NUMBL: variants seen among roughly 807,000 people sequenced by gnomAD.
The protein encoded by NUMBL is NUMB like endocytic adaptor protein.
A neutral mutation model predicts 48.9 loss-of-function variants in NUMBL; 20 were observed. That is an observed-to-expected ratio of 0.41 (90% CI 0.29 to 0.59). NUMBL has a LOEUF of 0.59. Among genes scored for constraint, NUMBL ranks in the 20% least tolerant of loss-of-function variants. The pLI is 0.31. For missense variants in NUMBL, 660 were observed against 846.2 expected (o/e 0.78, Z 2.73); for synonymous variants, 340 against 348.7 (o/e 0.98, Z 0.28).
At chr19:40,684,899 G>A (rs1190601244) in intron 2 of NUMBL, 8 of 275,174 alleles carry the variant, frequency 2.9e-5, no homozygotes, top group African/African-American at 6.8e-5. Flanking sequence ...TCCCAGGGCC[G>A]TGAGGACACA....
rs1285883127 is a variant in NUMBL, at chr19:40,684,154, C to T, written c.249+263G>A. ...CGCTATCTCGGCTCACTGCAATCTC[C>T]GCCTCCCGGGTTCAAGCGATTCTCC... On this transcript the variant is annotated intron_variant, in intron 3 of 9. Coordinates refer to ENST00000252891, the MANE Select transcript of NUMBL (RefSeq NM_004756.5). 4.5e-5 allele frequency: 18 copies of T among 396,248 alleles called. No individual in the cohort carries two copies. The East Asian group carries it at 9.6e-4, about 21-fold the overall frequency. 24.5% of individuals were successfully genotyped at this position (396,248 alleles called of 1,614,324 possible). A position where few individuals can be genotyped will look rare whatever the true frequency, so the allele number is the denominator to read the frequency against.
At chr19:40,681,898 C>T (rs568992229) in intron 5 of NUMBL, among the ~76,000 whole-genome samples, 30 of 152,142 alleles carry the variant, frequency 2.0e-4, no homozygotes, top group Admixed American at 1.7e-3. Flanking sequence ...GTCTCGAACT[C>T]GTGACCTCAG....
At chr19:40,684,270 G>A (rs912896539) in intron 3 of NUMBL, 147 bp downstream of exon 3, 2 of 823,418 alleles carry the variant, frequency 2.4e-6, no homozygotes, top group Non-Finnish European at 3.6e-6. Context: ...GGGTTTCACC[G>A]TGATAGCCAG....
chr19:40,667,333 G>C lies in NUMBL; in HGVS notation c.*135C>G, dbSNP rs576014989. On this transcript the variant is annotated 3_prime_UTR_variant, in exon 10 of 10. Coordinates refer to ENST00000252891, the MANE Select transcript of NUMBL (RefSeq NM_004756.5). This position sits in a 1 kb window ranked among gnomAD's most constrained non-coding sequence, Gnocchi z 6.1. ...AATGTTGGTTCTGTAGTGGTTGTCG[G>C]GGTGGTTGAGGGAGGGGGGTGTTGA... 7 of 1,260,150 alleles carry C rather than the reference G, an allele frequency of 5.6e-6. No homozygotes were observed. The Admixed American group carries it at 1.8e-4, about 33-fold the overall frequency. The allele number at this position is 1,260,150 out of a possible 1,614,324, so 78.1% of individuals were successfully genotyped here. A position where few individuals can be genotyped will look rare whatever the true frequency, so the allele number is the denominator to read the frequency against.
At chr19:40,678,872 C>G (rs950209694) in intron 6 of NUMBL, among the ~76,000 whole-genome samples, 6 of 152,200 alleles carry the variant, frequency 3.9e-5, no homozygotes, top group African/African-American at 1.2e-4. Context: ...AGGCAAATCA[C>G]TTGAGGCCAG....
chr19:40,688,184 G>A lies in NUMBL; in HGVS notation c.25-1189C>T, dbSNP rs747270012. ...AGCCACCTATCATGGTCATAATCCCGTCACCCAGTGTCCATACACAGCTGT... is the reference window on the plus strand; with the variant it reads ...AGCCACCTATCATGGTCATAATCCCATCACCCAGTGTCCATACACAGCTGT... On this transcript the variant is annotated intron_variant, in intron 1 of 9. Coordinates refer to ENST00000252891, the MANE Select transcript of NUMBL (RefSeq NM_004756.5). The surrounding 1 kb of genome is among the most constrained non-coding windows in gnomAD (Gnocchi z 4.6). 4.6e-5 allele frequency among the ~76,000 whole-genome samples: 7 copies of A among 152,120 alleles called. No homozygotes were observed. Among genetic ancestry groups the A allele is most frequent in the African/African-American group, 7.2e-5 (3 of 41,412 alleles).
intron 7 of NUMBL, among the ~76,000 whole-genome samples, 169 bp downstream of exon 7, chr19:40,677,063 C>T (rs1280262247): frequency 2.0e-5 from 3 of 152,216 alleles, no homozygotes; most frequent in Non-Finnish European, 4.4e-5. Flanking sequence ...ATCCGCCCAT[C>T]TCGGCCTCTC....
At position 40,669,954 on chromosome 19, in the gene NUMBL, C is replaced by A. The variant is rs1450681781; in HGVS notation, c.1103G>T (p.Ser368Ile). ...CGCTCCAGCACTGGCAAAAGATGAACTGATCTGTGTGCACAGAGCGTTGAT... is the reference window on the plus strand; with the variant it reads ...CGCTCCAGCACTGGCAAAAGATGAAATGATCTGTGTGCACAGAGCGTTGAT... Reference protein sequence around the residue: ...DSINALCTQISSSFASAGAPA... With the variant: ...DSINALCTQIISSFASAGAPA... The change falls in exon 9 of 10, where the codon AGT becomes ATT. Residue 368 changes from serine to isoleucine, a missense_variant. Transcript: ENST00000252891. 6.2e-7 allele frequency: 1 copy of A among 1,614,002 alleles called. No individual in the cohort carries two copies. Among genetic ancestry groups the A allele is most frequent in the Non-Finnish European group, 8.5e-7 (1 of 1,179,996 alleles).
chr19:40,668,899 G>A (rs531079539), intron 9 of NUMBL, among the ~76,000 whole-genome samples: 1 of 152,258 alleles, frequency 6.6e-6, no homozygotes, highest in South Asian at 2.1e-4. Context: ...TGACAGTTTA[G>A]GGTTGGGCTT....
rs768355400 is a variant in NUMBL at position 40,673,323 on chromosome 19, C to A, written c.1036+21G>T. 1.3e-6 allele frequency: 2 copies of A among 1,585,112 alleles called. No homozygotes were observed. Among genetic ancestry groups the A allele is most frequent in the South Asian group, 2.3e-5 (2 of 88,850 alleles). On this transcript the variant is annotated intron_variant, in intron 8 of 9. Coordinates refer to ENST00000252891, the MANE Select transcript of NUMBL (RefSeq NM_004756.5). The surrounding 1 kb of genome is among the most constrained non-coding windows in gnomAD (Gnocchi z 5.9). ...GTGCCAATTGATTCCAACGCCGTTT[C>A]CCACTGGGCCCAGGGCTCACCTGTG...
rs1358767235 is a variant in NUMBL at position 40,687,623 on chromosome 19, C to T, written c.25-628G>A. On this transcript the variant is annotated intron_variant, in intron 1 of 9. Coordinates refer to ENST00000252891, the MANE Select transcript of NUMBL (RefSeq NM_004756.5). The surrounding 1 kb of genome is among the most constrained non-coding windows in gnomAD (Gnocchi z 4.6). ...CAAAGAACGGGGCCCAGACAACCCA[C>T]TAGAGCCGCACATGCGTGGCCACAC... is the stretch of plus-strand genomic sequence containing the variant. Among the ~76,000 whole-genome samples the T allele has an allele frequency of 1.3e-5, 2 of 152,200 alleles. No homozygotes were observed. Among genetic ancestry groups the T allele is most frequent in the Admixed American group, 6.5e-5 (1 of 15,284 alleles).
chr19:40,683,660 T>C (rs1171645803), intron 3 of NUMBL, among the ~76,000 whole-genome samples: 2 of 152,176 alleles, frequency 1.3e-5, no homozygotes, highest in African/African-American at 4.8e-5. Context: ...CTCACAGGAA[T>C]GTAAAAGCGT....
Position 40,677,342 on chromosome 19 carries a change from C to A in NUMBL, c.620G>T (p.Gly207Val). The part of the protein sequence containing the change: ...ERKQRREKEC[G>V]VTAAFDASRT... ...GCTGGCATCGAAGGCGGCCGTGACC[C>A]CACATTCCTTCTCCCGTCGCTGTTT... Residue 207 changes from glycine (G) to valine (V), a missense_variant, in exon 7 of 10, where the codon GGG becomes GTG. Around this residue, in one of 3 missense-constraint regions of NUMBL, gnomAD observed 278 missense variants for 420.6 expected, o/e 0.66. Coordinates refer to ENST00000252891, the MANE Select transcript of NUMBL (RefSeq NM_004756.5). 6.2e-7 allele frequency: 1 copy of A among 1,612,366 alleles called. No homozygotes were observed. Among genetic ancestry groups the A allele is most frequent in the Non-Finnish European group, 8.5e-7 (1 of 1,179,936 alleles).
At chr19:40,678,733 G>GA (rs2081890560) in intron 6 of NUMBL, among the ~76,000 whole-genome samples, 1 of 152,152 alleles carries the variant, frequency 6.6e-6, no homozygotes, top group Admixed American at 6.6e-5. Context: ...AAAAAATCTG[G>GA]AAACAAATAC....
chr19:40,673,312 C>T lies in NUMBL; in HGVS notation c.1036+32G>A, dbSNP rs2081857518. 4 of 1,570,864 alleles carry T rather than the reference C, an allele frequency of 2.5e-6. No individual in the cohort carries two copies. The highest frequency in any genetic ancestry group is 3.5e-6 in the Non-Finnish European group (4 of 1,156,330). ...CACATCAGATAGTGCCAATTGATTC[C>T]AACGCCGTTTCCCACTGGGCCCAGG... is the stretch of plus-strand genomic sequence containing the variant. On this transcript the variant is annotated intron_variant, in intron 8 of 9. Coordinates refer to ENST00000252891, the MANE Select transcript of NUMBL (RefSeq NM_004756.5). The surrounding 1 kb of genome is among the most constrained non-coding windows in gnomAD (Gnocchi z 5.9).
At chr19:40,670,089 C>T (rs1202233621) in intron 8 of NUMBL, 69 bp from the exon 9 acceptor site, 10 of 1,553,328 alleles carry the variant, frequency 6.4e-6, no homozygotes, top group Admixed American at 1.9e-5. Flanking sequence ...CCCTCTACCC[C>T]CCGCCCTCGG....
At chr19:40,685,754 G>A (rs1397616147) in intron 2 of NUMBL, 1 of 153,398 alleles carries the variant, frequency 6.5e-6, no homozygotes, top group Non-Finnish European at 1.5e-5. Flanking sequence ...TATTGTCTGT[G>A]ATGACATTGC....
chr19:40,690,359 G>T, intron 1 of NUMBL, 101 bp downstream of exon 1: 2 of 675,600 alleles, frequency 3.0e-6, no homozygotes, highest in South Asian at 5.8e-5. Flanking sequence ...TCCAGCCTTG[G>T]CACCCTCTCT....
intron 2 of NUMBL, among the ~76,000 whole-genome samples, chr19:40,686,523 A>C (rs1355679763): frequency 6.6e-6 from 1 of 150,592 alleles, no homozygotes; most frequent in Non-Finnish European, 1.5e-5. Context: ...GTCTGTGGTC[A>C]CCTGTGAATC....
Sources: allele counts gnomAD v4.1 joint callset (sites outside exome capture counted in the v4.1 genomes callset), GRCh38; gene constraint gnomAD v4.1.1; regional missense constraint gnomAD v4.1.1; non-coding constraint Gnocchi (gnomAD v3.1); transcripts MANE v1.5; gene names NCBI Gene and HGNC (gene_info 2026-07-23, HGNC 2026-07-21).